The following SYNPR variants were observed in gnomAD, a reference collection of about 807,000 sequenced individuals.
SYNPR encodes synaptoporin.
Under a neutral mutation model 32.9 loss-of-function variants are expected in SYNPR, and 23 were observed. The observed-to-expected ratio is 0.70, with a 90% confidence interval of 0.50 to 0.99. SYNPR has a LOEUF of 0.99. Ranked by LOEUF, SYNPR falls within the 50% of genes least tolerant of loss-of-function variation. The pLI, the probability that SYNPR is intolerant of heterozygous loss-of-function variation, is 0.00. For synonymous variants in SYNPR, 146 were observed against 135.9 expected (o/e 1.07, Z -0.52); for missense variants, 318 against 349.3 (o/e 0.91, Z 0.71).
At chr3:63,318,630 C>A (rs1440210728) in intron 2 of SYNPR, among the ~76,000 whole-genome samples, 2 of 151,926 alleles carry the variant, frequency 1.3e-5, no homozygotes, top group East Asian at 3.9e-4. Flanking sequence ...TTTAAGCTAC[C>A]TATTTCCTTG....
In SYNPR at chr3:63,329,026, A is replaced by G. The variant is rs184623891; in HGVS notation, c.84+50284A>G. 3.3e-4 allele frequency among the ~76,000 whole-genome samples: 51 copies of G among 152,308 alleles called. No individual in the cohort carries two copies. In the East Asian group the frequency reaches 7.3e-3, roughly 22 times the overall value. On this transcript the variant is annotated intron_variant, in intron 2 of 5. Coordinates refer to ENST00000478300, the MANE Select transcript of SYNPR (RefSeq NM_001130003.2). ...TATCTCAGCTATCACAGTTCTAAAA[A>G]TAGGAGCAGTCTCCTAGTTCTTAGG...
At chr3:63,380,636 T>C (rs191063352) in intron 2 of SYNPR, among the ~76,000 whole-genome samples, 2 of 151,876 alleles carry the variant, frequency 1.3e-5, no homozygotes, top group East Asian at 3.9e-4. Flanking sequence ...TGATGAACAC[T>C]GATGCAAAAA....
chr3:63,480,962 G>T lies in SYNPR; in HGVS notation c.209+6G>T. On this transcript the variant is annotated splice_donor_region_variant and intron_variant, in intron 3 of 5. Transcript: ENST00000478300. The stretch of plus-strand genomic sequence containing the variant: ...GCGTTTGCCTACCCATTCAGGTAGG[G>T]AATGGTGGTTCATGCTTGTTAGCCT... 2.5e-6 allele frequency: 4 copies of T among 1,610,050 alleles called. No individual in the cohort carries two copies. The highest frequency in any genetic ancestry group is 3.4e-6 in the Non-Finnish European group (4 of 1,177,336).
intron 2 of SYNPR, among the ~76,000 whole-genome samples, chr3:63,362,777 A>G (rs2087678029): frequency 6.6e-6 from 1 of 152,188 alleles, no homozygotes; most frequent in African/African-American, 2.4e-5. Flanking sequence ...ATGAGCAGAG[A>G]TCTCAGCCTC....
chr3:63,359,322 T>C (rs1211071836), intron 2 of SYNPR, among the ~76,000 whole-genome samples: 1 of 152,208 alleles, frequency 6.6e-6, no homozygotes, highest in Non-Finnish European at 1.5e-5. Flanking sequence ...TGAATTAAAT[T>C]TCTGTACCAC....
intron 2 of SYNPR, among the ~76,000 whole-genome samples, chr3:63,395,537 T>G (rs1454172689): frequency 6.6e-6 from 1 of 152,124 alleles, no homozygotes; most frequent in African/African-American, 2.4e-5. Flanking sequence ...ATACTATAAT[T>G]ATATATATTT....
At chr3:63,578,148 G>T (rs975128861) in intron 4 of SYNPR, among the ~76,000 whole-genome samples, 6 of 152,146 alleles carry the variant, frequency 3.9e-5, no homozygotes, top group Non-Finnish European at 8.8e-5. Flanking sequence ...CTCAAGCTGG[G>T]AATCACCACC....
chr3:63,310,668 T>G (rs775252927), intron 2 of SYNPR, among the ~76,000 whole-genome samples: 1 of 151,974 alleles, frequency 6.6e-6, no homozygotes, highest in African/African-American at 2.4e-5. Context: ...GCTGTCCCAG[T>G]GGCTCTGATG....
intron 2 of SYNPR, among the ~76,000 whole-genome samples, chr3:63,348,383 G>GT (rs1190039812): frequency 4.6e-5 from 7 of 151,650 alleles, no homozygotes; most frequent in African/African-American, 1.7e-4. Context: ...GTTATTTGTT[G>GT]TTGTTTTTTT....
At chr3:63,230,152 G>A (rs2086156344) in intron 1 of SYNPR, among the ~76,000 whole-genome samples, 1 of 152,072 alleles carries the variant, frequency 6.6e-6, no homozygotes, top group South Asian at 2.1e-4. Flanking sequence ...GGTAAAGTTG[G>A]AGCTTTAAAC....
intron 1 of SYNPR, among the ~76,000 whole-genome samples, chr3:63,246,215 A>G (rs1359670869): frequency 2.0e-5 from 3 of 152,032 alleles, no homozygotes; most frequent in Non-Finnish European, 4.4e-5. Context: ...GACATAATTA[A>G]ATATTCTTTT....
At chr3:63,539,360 G>T (rs1377992378) in intron 3 of SYNPR, among the ~76,000 whole-genome samples, 5 of 152,066 alleles carry the variant, frequency 3.3e-5, no homozygotes, top group African/African-American at 1.2e-4. Flanking sequence ...GGAAGTTCAG[G>T]CTTTTATGCA....
At chr3:63,247,015 A>G (rs1196737568) in intron 1 of SYNPR, among the ~76,000 whole-genome samples, 1 of 152,040 alleles carries the variant, frequency 6.6e-6, no homozygotes, top group Non-Finnish European at 1.5e-5. Flanking sequence ...ACCATGGCAC[A>G]TGTTTACCTA....
chr3:63,362,424 G>C (rs530594512), intron 2 of SYNPR, among the ~76,000 whole-genome samples: 2 of 152,110 alleles, frequency 1.3e-5, no homozygotes, highest in African/African-American at 4.8e-5. Flanking sequence ...ACCATGTTAG[G>C]AAACAGGTTT....
upstream of SYNPR, among the ~76,000 whole-genome samples, chr3:63,225,468 A>T (rs1465963455): frequency 6.6e-6 from 1 of 152,138 alleles, no homozygotes; most frequent in Non-Finnish European, 1.5e-5. Flanking sequence ...CCCTGGCATC[A>T]ACTCTTGAAA....
At position 63,232,192 on chromosome 3, in the gene SYNPR, C is replaced by CTTTTTT. The variant is rs57078088; in HGVS notation, n.66+3834_66+3839dup. On this transcript the variant is annotated intron_variant and non_coding_transcript_variant, in intron 1 of 4. Transcript: ENST00000478456. ...CTCAAGTGAGTATTTCAGATTCTGA[C>CTTTTTT]TTTTTTTTTTTTTTTTTTTTTTTTT... Among the ~76,000 whole-genome samples, 506 of 59,532 alleles carry CTTTTTT rather than the reference C, an allele frequency of 8.5e-3. 84 individuals are homozygous for CTTTTTT. Among genetic ancestry groups the CTTTTTT allele is most frequent in the South Asian group, 0.014 (13 of 900 alleles). The allele number at this position is 59,532 out of a possible 152,430, so 39.1% of individuals were successfully genotyped here.
rs1396311415 is a variant in SYNPR, at chr3:63,263,133, C to T, written n.155-4184C>T. 2.0e-5 allele frequency among the ~76,000 whole-genome samples: 3 copies of T among 152,126 alleles called. No homozygotes were observed. In the East Asian group the frequency reaches 5.8e-4, roughly 29 times the overall value. Reference sequence around the variant, plus strand: ...TGATGGGAACACGGACTTAGTTTTGCCAAATATGCAGTCCTTTTTAAGGGG... The same window carrying T: ...TGATGGGAACACGGACTTAGTTTTGTCAAATATGCAGTCCTTTTTAAGGGG... On this transcript the variant is annotated intron_variant and non_coding_transcript_variant, in intron 2 of 4. Transcript: ENST00000478456.
At chr3:63,510,704 G>A (rs1170111691) in intron 3 of SYNPR, among the ~76,000 whole-genome samples, 1 of 152,028 alleles carries the variant, frequency 6.6e-6, no homozygotes, top group Non-Finnish European at 1.5e-5. Context: ...TGTGAATTTT[G>A]TTTACTCTCC....
chr3:63,495,626 C>A (rs907701152), intron 3 of SYNPR, among the ~76,000 whole-genome samples: 1 of 152,132 alleles, frequency 6.6e-6, no homozygotes, highest in East Asian at 1.9e-4. Context: ...CACCGTCTTG[C>A]ATTCTGTTGT....
Sources: gnomAD v4.1 joint callset for allele counts (sites outside exome capture counted in the v4.1 genomes callset) on GRCh38, gnomAD v4.1.1 for gene constraint, MANE v1.5 for transcripts, NCBI Gene and HGNC (gene_info 2026-07-23, HGNC 2026-07-21) for gene names.